Variants in ATG7 observed in about 807,000 individuals in gnomAD.
ATG7 encodes ubiquitin-like modifier-activating enzyme ATG7.
ATG7 carries 70 observed loss-of-function variants against 82.4 expected under a neutral mutation model. The observed-to-expected ratio is 0.85, with a 90% CI of 0.70 to 1.04. The LOEUF is 1.04. Ranked by LOEUF, ATG7 falls within the 50% of genes least tolerant of loss-of-function variation. The pLI is 0.00. For missense variants in ATG7, 792 were observed against 864.3 expected, an observed-to-expected ratio of 0.92 and a Z score of 1.05; for synonymous variants, 287 against 313.0, an observed-to-expected ratio of 0.92 and a Z score of 0.88.
chr3:11,421,686 G>A (rs1362711135), intron 19 of ATG7, among the ~76,000 whole-genome samples: 1 of 152,136 alleles, frequency 6.6e-6, no homozygotes, highest in Non-Finnish European at 1.5e-5. Context: ...TATCTAGAAT[G>A]GTGAATCCTT....
intron 18 of ATG7, among the ~76,000 whole-genome samples, chr3:11,378,685 C>CAAAAAAAAAAAAAAAAAAAAAAA (rs368506515): frequency 2.5e-5 from 2 of 78,968 alleles, no homozygotes; most frequent in African/African-American, 1.4e-4. Context: ...ACTCCATCTC[C>CAAAAAAAAAAAAAAAAAAAAAAA]AAAAAAAAAA....
downstream of ATG7, chr3:11,559,326 A>G (rs1014979649): frequency 6.5e-7 from 1 of 1,532,878 alleles, no homozygotes; most frequent in Non-Finnish European, 8.8e-7. Flanking sequence ...GGCCCGGGAC[A>G]CTCACCGCTC....
chr3:11,307,727 A>G (rs746788795), intron 6 of ATG7, among the ~76,000 whole-genome samples: 2 of 152,228 alleles, frequency 1.3e-5, no homozygotes, highest in African/African-American at 2.4e-5. Context: ...AGGAATTAAA[A>G]TGGGAGGTGG....
At chr3:11,385,187 A>G (rs757834912) in intron 19 of ATG7, among the ~76,000 whole-genome samples, 16 of 151,784 alleles carry the variant, frequency 1.1e-4, no homozygotes, top group Non-Finnish European at 1.5e-4. Context: ...GCGCCACCAC[A>G]CCCAGCTAAT....
chr3:11,459,189 A>AAC (rs2086065462), intron 20 of ATG7, among the ~76,000 whole-genome samples: 1 of 151,088 alleles, frequency 6.6e-6, no homozygotes, highest in Non-Finnish European at 1.5e-5. Context: ...AAAAAAAAAA[A>AAC]CAGCAAAAAC....
intron 20 of ATG7, among the ~76,000 whole-genome samples, chr3:11,496,532 G>A (rs933813960): frequency 6.6e-6 from 1 of 152,154 alleles, no homozygotes; most frequent in African/African-American, 2.4e-5. Flanking sequence ...GGGACTTTGT[G>A]TCCTCGCTGG....
At chr3:11,313,927 A>G (rs1407914852) in intron 8 of ATG7, among the ~76,000 whole-genome samples, 1 of 152,238 alleles carries the variant, frequency 6.6e-6, no homozygotes, top group Non-Finnish European at 1.5e-5. Context: ...GATGTAGTGC[A>G]CAGTAATTTT....
intron 5 of ATG7, among the ~76,000 whole-genome samples, 190 bp from the exon 6 acceptor site, chr3:11,306,753 A>AG (rs1016724961): frequency 2.0e-5 from 3 of 152,140 alleles, no homozygotes; most frequent in South Asian, 2.1e-4. Context: ...ATAGGCTTTT[A>AG]GGGGGGAATG....
intron 20 of ATG7, among the ~76,000 whole-genome samples, chr3:11,431,790 A>C (rs1213947382): frequency 6.6e-6 from 1 of 152,194 alleles, no homozygotes; most frequent in Non-Finnish European, 1.5e-5. Context: ...GTCTCCCTAA[A>C]TATAGCCCCT....
At chr3:11,278,320 AT>A (rs770268381) in intron 1 of ATG7, among the ~76,000 whole-genome samples, 15 of 152,242 alleles carry the variant, frequency 9.9e-5, no homozygotes, top group Non-Finnish European at 5.9e-5. Context: ...TTCACAATTT[AT>A]GTTCAGAGAT....
At chr3:11,374,982 C>A (rs576759991) in intron 18 of ATG7, among the ~76,000 whole-genome samples, 6 of 148,256 alleles carry the variant, frequency 4.0e-5, no homozygotes, top group Admixed American at 2.7e-4. Flanking sequence ...GTGGGAGGAT[C>A]GCTTGAGCCC....
At chr3:11,563,710 T>C in the ATG7 span, among the ~76,000 whole-genome samples, 13 of 152,234 alleles carry the variant, frequency 8.5e-5, no homozygotes, top group African/African-American at 3.1e-4. Context: ...AAAAACTGCA[T>C]CTTGCTTGAC....
intron 20 of ATG7, among the ~76,000 whole-genome samples, chr3:11,536,909 C>A (rs2070355971): frequency 6.6e-6 from 1 of 152,328 alleles, no homozygotes; most frequent in South Asian, 2.1e-4. Flanking sequence ...TATTTACGAT[C>A]AGCCTGTTGA....
chr3:11,498,813 C>T (rs1438790471), intron 20 of ATG7, among the ~76,000 whole-genome samples: 1 of 152,232 alleles, frequency 6.6e-6, no homozygotes, highest in African/African-American at 2.4e-5. Context: ...AGGCTGGGCT[C>T]CAGGCCAACT....
At chr3:11,561,891 C>CTTTT (rs35380668), downstream of ATG7, among the ~76,000 whole-genome samples, 805 of 88,588 alleles carry the variant, frequency 9.1e-3, 22 homozygotes, top group African/African-American at 0.034. Context: ...CTGCGCCAAA[C>CTTTT]TTTTTTTTTT....
chr3:11,558,658 G>C (rs142310753), downstream of ATG7: 1 of 1,612,716 alleles, frequency 6.2e-7, no homozygotes, highest in Non-Finnish European at 8.5e-7. Flanking sequence ...TGGATGCTCC[G>C]TCCTTGGCCG....
chr3:11,439,069 C>CTTTT (rs67206280), intron 20 of ATG7, among the ~76,000 whole-genome samples: 2,693 of 121,894 alleles, frequency 0.022, 125 homozygotes, highest in African/African-American at 0.067. Context: ...TTCTTTCTTT[C>CTTTT]TTTTTTTTTT....
intron 20 of ATG7, among the ~76,000 whole-genome samples, chr3:11,553,114 T>C (rs1185649128): frequency 6.6e-6 from 1 of 152,042 alleles, no homozygotes; most frequent in African/African-American, 2.4e-5. Context: ...ACCCTTTTCA[T>C]TCTCCATCTT....
At chr3:11,559,744 T>C (rs1032562578), downstream of ATG7, among the ~76,000 whole-genome samples, 30 of 152,140 alleles carry the variant, frequency 2.0e-4, no homozygotes, top group African/African-American at 7.2e-4. Flanking sequence ...CTCAAATCTG[T>C]TAAGACAAAC....
Sources: gnomAD v4.1 joint callset for allele counts (sites outside exome capture counted in the v4.1 genomes callset) on GRCh38, gnomAD v4.1.1 for gene constraint, MANE v1.5 for transcripts, NCBI Gene and HGNC (gene_info 2026-07-23, HGNC 2026-07-21) for gene names.